Variants in RIT2 observed in about 807,000 individuals in gnomAD.
RIT2 encodes GTP-binding protein Rit2.
In RIT2, 24 loss-of-function variants were observed where a neutral mutation model predicts 23.7. The observed-to-expected ratio is 1.01, with a 90% confidence interval of 0.73 to 1.43. The LOEUF is 1.43. Among genes scored for constraint, RIT2 ranks in the 40% most tolerant of loss-of-function variants. RIT2 has a pLI of 0.00. For missense variants in RIT2, 236 were observed against 266.9 expected (o/e 0.88, Z 0.81); for synonymous variants, 107 against 91.1 (o/e 1.17, Z -0.99).
intron 4 of RIT2, among the ~76,000 whole-genome samples, chr18:42,908,289 A>G (rs1226057719): frequency 6.6e-6 from 1 of 152,094 alleles, no homozygotes; most frequent in East Asian, 1.9e-4. Flanking sequence ...AATAGAGATC[A>G]AGGGATCTGT....
At chr18:42,977,475 CAAAT>C (rs1002880308) in intron 2 of RIT2, among the ~76,000 whole-genome samples, 2 of 151,956 alleles carry the variant, frequency 1.3e-5, no homozygotes, top group Non-Finnish European at 2.9e-5. Flanking sequence ...CACAAGTAAA[CAAAT>C]GAATTATTTT....
In RIT2 at chr18:42,808,040, T is replaced by C. The variant is rs552877058; in HGVS notation, c.427-64320A>G. ...CCTAATGAGCTGTCGGTTGGCCAGC[T>C]AGTCAGAATTCTCAGTATGCCAGAA... On this transcript the variant is annotated intron_variant, in intron 4 of 4. Coordinates refer to ENST00000326695, the MANE Select transcript of RIT2 (RefSeq NM_002930.4). 4.6e-5 allele frequency among the ~76,000 whole-genome samples: 7 copies of C among 152,332 alleles called. No homozygotes were observed. The South Asian group carries it at 1.4e-3, about 32-fold the overall frequency.
chr18:42,821,079 G>A (rs1906135171), intron 4 of RIT2, among the ~76,000 whole-genome samples: 1 of 152,092 alleles, frequency 6.6e-6, no homozygotes, highest in Non-Finnish European at 1.5e-5. Flanking sequence ...ACCAGGAGCA[G>A]ATGCCAGTGC....
Position 42,923,698 on chromosome 18 carries a change from G to A in RIT2, c.300C>T (p.Ser100=), listed in dbSNP as rs747686406. 6.2e-6 allele frequency: 10 copies of A among 1,612,922 alleles called. No homozygotes were observed. Among genetic ancestry groups the A allele is most frequent in the South Asian group, 2.2e-5 (2 of 91,030 alleles). ...RGGEGFIICY[S]VTDRQSFQEA... ...CCTGAAATGATTGACGGTCAGTGACGGAGTAGCAGATGATGAAGCCTTCCC... is the reference window on the plus strand; with the variant it reads ...CCTGAAATGATTGACGGTCAGTGACAGAGTAGCAGATGATGAAGCCTTCCC... Residue 100 remains serine, a synonymous_variant, in exon 4 of 5, where the codon TCC becomes TCT. Transcript: ENST00000326695.
At chr18:43,069,052 G>A (rs1912839522) in intron 1 of RIT2, among the ~76,000 whole-genome samples, 1 of 152,128 alleles carries the variant, frequency 6.6e-6, no homozygotes, top group Non-Finnish European at 1.5e-5. Flanking sequence ...CCAGACTCAG[G>A]AATGTCCTGA....
intron 4 of RIT2, among the ~76,000 whole-genome samples, chr18:42,745,113 T>A (rs999122603): frequency 2.6e-5 from 4 of 152,162 alleles, no homozygotes; most frequent in Admixed American, 2.0e-4. Context: ...TATACATAAA[T>A]TAGCACAGTG....
At chr18:42,770,916 T>C (rs1438815814) in intron 4 of RIT2, among the ~76,000 whole-genome samples, 1 of 152,080 alleles carries the variant, frequency 6.6e-6, no homozygotes, top group Non-Finnish European at 1.5e-5. Context: ...AAGCAAAACA[T>C]AAAATGAGGA....
intron 3 of RIT2, among the ~76,000 whole-genome samples, chr18:42,963,060 T>G (rs1910128866): frequency 6.6e-6 from 1 of 152,182 alleles, no homozygotes; most frequent in Non-Finnish European, 1.5e-5. Context: ...TAATCCACGT[T>G]CCTTGAATAG....
intron 1 of RIT2, among the ~76,000 whole-genome samples, chr18:43,037,884 C>T (rs1912017039): frequency 6.6e-6 from 1 of 152,056 alleles, no homozygotes; most frequent in Non-Finnish European, 1.5e-5. Context: ...TTATAGTCCG[C>T]TAGTTTTACT....
chr18:42,935,918 A>G (rs1305786605), intron 3 of RIT2, among the ~76,000 whole-genome samples: 1 of 151,932 alleles, frequency 6.6e-6, no homozygotes, highest in African/African-American at 2.4e-5. Flanking sequence ...TAGAGGCCAG[A>G]GTGGATTTGG....
At chr18:42,885,800 C>T (rs1211628011) in intron 4 of RIT2, among the ~76,000 whole-genome samples, 1 of 152,050 alleles carries the variant, frequency 6.6e-6, no homozygotes, top group Non-Finnish European at 1.5e-5. Flanking sequence ...CACATATTTG[C>T]ATATACAATT....
At position 43,031,049 on chromosome 18, in the gene RIT2, G is replaced by A. The variant is rs139575164; in HGVS notation, c.160+2762C>T. ...GTGCCTGGTAATGTATTTAGCTCTC[G>A]CTTGCCTTCCTACATATTATACCAT... On this transcript the variant is annotated intron_variant, in intron 2 of 4. Transcript: ENST00000326695. Among the ~76,000 whole-genome samples the A allele has an allele frequency of 4.4e-3, 670 of 151,698 alleles. 3 individuals are homozygous for A. The highest frequency in any genetic ancestry group is 0.015 in the African/African-American group (630 of 41,368).
rs1913220854 is a variant in RIT2 at position 42,758,525 on chromosome 18, T to C, written c.427-14805A>G. Among the ~76,000 whole-genome samples the C allele has an allele frequency of 2.0e-5, 3 of 151,540 alleles. No individual in the cohort carries two copies. In the South Asian group the frequency reaches 6.2e-4, roughly 32 times the overall value. On this transcript the variant is annotated intron_variant, in intron 4 of 4. Transcript: ENST00000326695. ...ATAACCCTTGTTTTATTTTTATTTT[T>C]ATTTTGAGAAGGAGTTTTTCTCTCA...
At chr18:43,044,878 G>C (rs566929349) in intron 1 of RIT2, among the ~76,000 whole-genome samples, 1 of 152,128 alleles carries the variant, frequency 6.6e-6, no homozygotes, top group African/African-American at 2.4e-5. Context: ...CTAATGGAAA[G>C]AAATTGTGCT....
At chr18:42,758,519 T>C (rs1567988885) in intron 4 of RIT2, among the ~76,000 whole-genome samples, 1 of 151,590 alleles carries the variant, frequency 6.6e-6, no homozygotes, top group Non-Finnish European at 1.5e-5. Flanking sequence ...GTTTTATTTT[T>C]ATTTTTATTT....
At chr18:43,110,222 C>T (rs1030340373) in intron 1 of RIT2, among the ~76,000 whole-genome samples, 19 of 150,824 alleles carry the variant, frequency 1.3e-4, no homozygotes, top group East Asian at 7.9e-4. Context: ...TGCCTGTATA[C>T]GAATATTTCC....
rs146522848 is a variant in RIT2 at position 42,839,742 on chromosome 18, TGA to T, written c.426+83828_426+83829del. On this transcript the variant is annotated intron_variant, in intron 4 of 4. Transcript: ENST00000326695. ...CAGAACACCATGCAATATTTAAGAC[TGA>T]GAGAATGAACATACGAATGGACAGT... Among the ~76,000 whole-genome samples, 16 of 152,302 alleles carry T rather than the reference TGA, an allele frequency of 1.1e-4. No homozygotes were observed. In the East Asian group the frequency reaches 3.1e-3, roughly 29 times the overall value.
At chr18:43,047,694 C>A (rs771756482) in intron 1 of RIT2, among the ~76,000 whole-genome samples, 7 of 152,018 alleles carry the variant, frequency 4.6e-5, no homozygotes, top group Admixed American at 6.6e-5. Flanking sequence ...GAAGAAGTTT[C>A]TTTGAAAAGG....
intron 4 of RIT2, among the ~76,000 whole-genome samples, chr18:42,778,577 T>G (rs1227144926): frequency 6.6e-6 from 1 of 152,164 alleles, no homozygotes; most frequent in Non-Finnish European, 1.5e-5. Flanking sequence ...TTATCTGTCA[T>G]TTTTAGAAGT....
Sources: allele counts gnomAD v4.1 joint callset (sites outside exome capture counted in the v4.1 genomes callset), GRCh38; gene constraint gnomAD v4.1.1; transcripts MANE v1.5; gene names NCBI Gene and HGNC (gene_info 2026-07-23, HGNC 2026-07-21).